Variants in LPA observed in about 807,000 individuals in gnomAD.
LPA encodes the protein apolipoprotein(a).
A neutral mutation model predicts 197.9 loss-of-function variants in LPA; 199 were observed. The observed-to-expected ratio is 1.01, with a 90% CI of 0.90 to 1.13. The LOEUF is 1.13. LPA is among the 50% of genes most tolerant of loss of function. The pLI, the probability that LPA is intolerant of heterozygous loss-of-function variation, is 0.00. For missense variants in LPA, 1,853 were observed against 1,785.8 expected (o/e 1.04, Z -0.68); for synonymous variants, 715 against 639.5 (o/e 1.12, Z -1.78).
intron 18 of LPA, 77 bp from the exon 19 acceptor site, chr6:160,601,175 G>T (rs1779235057): frequency 4.8e-6 from 6 of 1,250,970 alleles, no homozygotes; most frequent in Middle Eastern, 2.0e-4. Flanking sequence ...CTACAACAAG[G>T]TCATTACTGG....
chr6:160,650,196 C>G (rs1363799628), intron 2 of LPA, 142 bp downstream of exon 2: 2 of 791,524 alleles, frequency 2.5e-6, no homozygotes, highest in African/African-American at 3.4e-5. Context: ...ACTCTTTGCT[C>G]AAAGTAATGT....
chr6:160,608,704 T>G (rs1487734226), intron 16 of LPA, among the ~76,000 whole-genome samples: 2 of 152,146 alleles, frequency 1.3e-5, no homozygotes, highest in Non-Finnish European at 2.9e-5. Context: ...TGTTTCTGTT[T>G]CCAATCTCCC....
Position 160,599,502 on chromosome 6 carries a change from ATTTGGGTAGT to A in LPA, c.3275_3284del (p.Asn1092MetfsTer4), listed in dbSNP as rs763173798. ...TATGGTAAAGAACAAAGACGTACGC[ATTTGGGTAGT>A]TTTCTGGGGTCCGACTATGCTGGTG... On this transcript the variant is annotated frameshift_variant, in exon 20 of 39. Transcript: ENST00000316300. LOFTEE classifies it high-confidence loss of function. 10 of 1,613,602 alleles carry A rather than the reference ATTTGGGTAGT, an allele frequency of 6.2e-6. No homozygotes were observed. The highest frequency in any genetic ancestry group is 8.5e-6 in the Non-Finnish European group (10 of 1,179,924).
chr6:160,643,239 CTTTAA>C (rs1562350809), intron 4 of LPA, among the ~76,000 whole-genome samples: 2 of 95,052 alleles, frequency 2.1e-5, no homozygotes, highest in Non-Finnish European at 4.3e-5. Context: ...TATACTACCT[CTTTAA>C]TTTAATTTGG....
chr6:160,555,205 A>G (rs1243716358), intron 30 of LPA, among the ~76,000 whole-genome samples: 4 of 149,024 alleles, frequency 2.7e-5, no homozygotes, highest in Admixed American at 1.4e-4. Context: ...TGGAGCTTAG[A>G]ACCCAGTGTG....
chr6:160,589,006 G>C (rs774543081), intron 24 of LPA, among the ~76,000 whole-genome samples: 4 of 152,150 alleles, frequency 2.6e-5, no homozygotes, highest in Non-Finnish European at 5.9e-5. Flanking sequence ...TATACTTCCT[G>C]ACTCTCAGCT....
chr6:160,580,726 A>G (rs6911202), intron 26 of LPA, among the ~76,000 whole-genome samples: 183 of 152,282 alleles, frequency 1.2e-3, no homozygotes, highest in African/African-American at 4.3e-3. Flanking sequence ...AGAAATGACT[A>G]TTCAAGCCTG....
chr6:160,589,486 G>A (rs868442317), intron 24 of LPA, 67 bp downstream of exon 24: 10 of 1,581,718 alleles, frequency 6.3e-6, no homozygotes, highest in Admixed American at 3.3e-5. Context: ...TTAGCTGGAA[G>A]CATGGCTCTT....
rs977022174 is a variant in LPA at position 160,574,691 on chromosome 6, G to A, written c.4631+2445C>T. Among the ~76,000 whole-genome samples, 108 of 152,204 alleles carry A rather than the reference G, an allele frequency of 7.1e-4. 2 individuals carry two copies. Among genetic ancestry groups the A allele is most frequent in the Non-Finnish European group, 2.6e-4 (18 of 68,040 alleles). ...GACTTTCAGCTTCTCCAGTTGTGGG[G>A]TGTGTTTGAGGGAGTAAGGCCTCCC... On this transcript the variant is annotated intron_variant, in intron 28 of 38. Transcript: ENST00000316300.
At chr6:160,584,047 C>T (rs887835014) in intron 26 of LPA, among the ~76,000 whole-genome samples, 9 of 152,156 alleles carry the variant, frequency 5.9e-5, no homozygotes, top group African/African-American at 2.2e-4. Context: ...CTTCCTGACT[C>T]TCATCTGCAT....
Position 160,586,627 on chromosome 6 carries a change from G to A in LPA, c.3951C>T (p.Gly1317=). 1.2e-6 allele frequency: 2 copies of A among 1,613,608 alleles called. No homozygotes were observed. The highest frequency in any genetic ancestry group is 1.7e-6 in the Non-Finnish European group (2 of 1,179,770). ...GATTCCTGCAGTAGTTCCTGGTCAG[G>A]CCACTGCAAATTCCAAAACAATACA... The part of the protein sequence containing the change: ...QRTTEYYPNG[G]LTRNYCRNPD... The change falls in exon 25 of 39, where the codon GGC becomes GGT. Residue 1317 remains glycine (G), a synonymous_variant. Transcript: ENST00000316300.
At chr6:160,576,392 A>ATATATATATATATATATATGGG (rs1778672060) in intron 28 of LPA, among the ~76,000 whole-genome samples, 1 of 68,040 alleles carries the variant, frequency 1.5e-5, no homozygotes, top group Non-Finnish European at 2.6e-5. Context: ...ATATATATGT[A>ATATATATATATATATATATGGG]TATATATATA....
chr6:160,648,042 AG>A (rs1256019265), intron 2 of LPA, among the ~76,000 whole-genome samples: 1 of 152,180 alleles, frequency 6.6e-6, no homozygotes, highest in African/African-American at 2.4e-5. Context: ...TTCTTTGTTT[AG>A]GGGAGTGCAC....
chr6:160,611,180 G>A (rs541466594), intron 16 of LPA, among the ~76,000 whole-genome samples: 8 of 152,264 alleles, frequency 5.3e-5, no homozygotes, highest in Non-Finnish European at 1.2e-4. Flanking sequence ...AGCCCAGACA[G>A]AAAAGGCAAA....
chr6:160,541,038 G>A (rs1777973012), intron 35 of LPA, 69 bp downstream of exon 35: 2 of 1,284,526 alleles, frequency 1.6e-6, no homozygotes, highest in Non-Finnish European at 2.3e-6. Flanking sequence ...AGAAAGAAGG[G>A]ATGGAGGAAG....
chr6:160,552,194 G>A (rs898487132), intron 30 of LPA, among the ~76,000 whole-genome samples: 20 of 152,166 alleles, frequency 1.3e-4, no homozygotes, highest in African/African-American at 4.8e-4. Flanking sequence ...TAACAGGCAT[G>A]AGCCAAGGGG....
At chr6:160,576,350 A>G (rs1212864908) in intron 28 of LPA, among the ~76,000 whole-genome samples, 4 of 42,446 alleles carry the variant, frequency 9.4e-5, no homozygotes, top group African/African-American at 7.5e-4. Flanking sequence ...GTATATATAT[A>G]TATATATATA....
At chr6:160,611,761 G>A in intron 15 of LPA, 40 bp from the exon 16 acceptor site, 9 of 1,340,002 alleles carry the variant, frequency 6.7e-6, no homozygotes, top group Non-Finnish European at 9.3e-6. Context: ...GTATCTCTGA[G>A]AATAACGAAA....
At chr6:160,585,714 T>C (rs929061809) in intron 25 of LPA, among the ~76,000 whole-genome samples, 1 of 152,044 alleles carries the variant, frequency 6.6e-6, no homozygotes. Flanking sequence ...TAAAGACACA[T>C]TGCCTCTCAG....
Sources: allele counts gnomAD v4.1 joint callset (sites outside exome capture counted in the v4.1 genomes callset), GRCh38; gene constraint gnomAD v4.1.1; transcripts MANE v1.5; gene names NCBI Gene and HGNC (gene_info 2026-07-23, HGNC 2026-07-21).